The following DIP2B variants were observed in gnomAD, a reference collection of about 807,000 sequenced individuals.
DIP2B encodes the protein DIP2 acetate--CoA ligase B (putative).
Under a neutral mutation model 198.0 loss-of-function variants are expected in DIP2B, and 76 were observed. The observed-to-expected ratio is 0.38, with a 90% CI of 0.32 to 0.46. The LOEUF is 0.46. Ranked by LOEUF, DIP2B falls within the 20% of genes least tolerant of loss-of-function variation. DIP2B has a pLI of 0.99. For missense variants in DIP2B, 1,559 were observed against 1,978.4 expected (o/e 0.79, Z 4.02); for synonymous variants, 701 against 739.1 (o/e 0.95, Z 0.84).
chr12:50,628,258 C>T (rs556668363), intron 2 of DIP2B, among the ~76,000 whole-genome samples: 1 of 152,086 alleles, frequency 6.6e-6, no homozygotes. Context: ...GTAATGCCAG[C>T]TACTCGGGAT....
In DIP2B at chr12:50,671,155, C is replaced by A. The variant is rs371530693; in HGVS notation, c.428-31C>A. 1,771 of 1,607,500 alleles carry A rather than the reference C, an allele frequency of 1.1e-3. 1 individual carries two copies. Among genetic ancestry groups the A allele is most frequent in the Non-Finnish European group, 1.4e-3 (1,648 of 1,177,374 alleles). ...GAAAAGTCTCTGTTCTAGGTAGGAT[C>A]GAGAACTTCTTTTTTTCTAATTCCA... On this transcript the variant is annotated intron_variant, in intron 4 of 37. Coordinates refer to ENST00000301180, the MANE Select transcript of DIP2B (RefSeq NM_173602.3).
At chr12:50,513,428 C>T (rs1264933892) in intron 1 of DIP2B, among the ~76,000 whole-genome samples, 1 of 152,176 alleles carries the variant, frequency 6.6e-6, no homozygotes, top group Non-Finnish European at 1.5e-5. Context: ...ATGCCTGTGA[C>T]ATATAAGCTT....
At chr12:50,605,876 C>G (rs889618397) in intron 1 of DIP2B, among the ~76,000 whole-genome samples, 1 of 152,042 alleles carries the variant, frequency 6.6e-6, no homozygotes, top group Admixed American at 6.6e-5. Flanking sequence ...GGCTGGAGTG[C>G]AGTAGCATGA....
chr12:50,703,939 ATTTATATATGTATC>A (rs1939467383), intron 19 of DIP2B, among the ~76,000 whole-genome samples, 187 bp from the exon 20 acceptor site: 1 of 150,248 alleles, frequency 6.7e-6, no homozygotes, highest in Non-Finnish European at 1.5e-5. Context: ...TTATATATAT[ATTTATATATGTATC>A]TTCTTAAAAG....
rs140760073 is a variant in DIP2B, at chr12:50,721,433, A to C, written c.3166+37A>C. 137 of 1,610,596 alleles carry C rather than the reference A, an allele frequency of 8.5e-5. No individual in the cohort carries two copies. In the African/African-American group the frequency reaches 1.7e-3, roughly 20 times the overall value. ...ATTGGCAGACTAGAGTTTAAGCTCCAATACTAGACTGACTACAAATTATAA... is the reference window on the plus strand; with the variant it reads ...ATTGGCAGACTAGAGTTTAAGCTCCCATACTAGACTGACTACAAATTATAA... On this transcript the variant is annotated intron_variant, in intron 26 of 37. Transcript: ENST00000301180.
chr12:50,626,009 G>A lies in DIP2B; in HGVS notation c.134G>A (p.Arg45Lys). ...ACCCAGAAGGGCTATGAAAAGAAAA[G>A]GTCCAAACTCCTATCTCCTTACAGC... ...DITQKGYEKK[R>K]SKLLSPYSPQ... The change falls in exon 2 of 38, where the codon AGG (arginine) becomes AAG (lysine). Residue 45 changes from arginine (R) to lysine (K), a missense_variant. Physicochemically the swap from Arg to Lys is conservative, Grantham distance 26. Coordinates refer to ENST00000301180, the MANE Select transcript of DIP2B (RefSeq NM_173602.3). 2 of 1,614,080 alleles carry A rather than the reference G, an allele frequency of 1.2e-6. No homozygotes were observed.
intron 1 of DIP2B, among the ~76,000 whole-genome samples, chr12:50,526,444 A>T (rs1022957200): frequency 6.6e-6 from 1 of 152,142 alleles, no homozygotes; most frequent in Non-Finnish European, 1.5e-5. Flanking sequence ...CTGCCTGACT[A>T]CTTTGCTTAT....
intron 1 of DIP2B, among the ~76,000 whole-genome samples, chr12:50,611,123 T>C (rs990736609): frequency 6.6e-6 from 1 of 152,130 alleles, no homozygotes; most frequent in African/African-American, 2.4e-5. Context: ...AGGGGGATAA[T>C]AGACACACAA....
chr12:50,689,016 T>A (rs1939178272), intron 12 of DIP2B, among the ~76,000 whole-genome samples: 1 of 152,172 alleles, frequency 6.6e-6, no homozygotes, highest in African/African-American at 2.4e-5. Context: ...CATCTCTGGG[T>A]AATAGGGAGT....
chr12:50,741,534 T>C lies in DIP2B; in HGVS notation c.4473T>C (p.Ala1491=). Residue 1491 remains alanine, a synonymous_variant, in exon 37 of 38, where the codon GCT becomes GCC. Coordinates refer to ENST00000301180, the MANE Select transcript of DIP2B (RefSeq NM_173602.3). ...TGTCCCGGATCCACAGAAGCATTGC[T>C]GAATGGTAACTCCCTCAGCATACAC... ...TSVSRIHRSI[A]ECAVFTWTNL... 6.2e-7 allele frequency: 1 copy of C among 1,613,106 alleles called. No homozygotes were observed. Among genetic ancestry groups the C allele is most frequent in the Non-Finnish European group, 8.5e-7 (1 of 1,179,442 alleles).
chr12:50,716,903 C>T (rs932493141), intron 23 of DIP2B, among the ~76,000 whole-genome samples: 1 of 142,434 alleles, frequency 7.0e-6, no homozygotes, highest in East Asian at 2.1e-4. Context: ...AAAAGTTAGA[C>T]GAATAGTATA....
intron 4 of DIP2B, among the ~76,000 whole-genome samples, chr12:50,660,831 T>TA (rs1938632629): frequency 6.6e-6 from 1 of 152,204 alleles, no homozygotes; most frequent in African/African-American, 2.4e-5. Context: ...AAAACGTATA[T>TA]AAGTGTGTTT....
At chr12:50,527,351 CTT>C (rs992530224) in intron 1 of DIP2B, among the ~76,000 whole-genome samples, 4 of 152,300 alleles carry the variant, frequency 2.6e-5, no homozygotes, top group African/African-American at 9.6e-5. Flanking sequence ...TCTCAGGTCT[CTT>C]TGACTACCTA....
intron 1 of DIP2B, among the ~76,000 whole-genome samples, chr12:50,519,066 T>TG (rs935535567): frequency 6.6e-6 from 1 of 152,058 alleles, no homozygotes; most frequent in African/African-American, 2.4e-5. Context: ...TTTATTTTTT[T>TG]GGGGGGTAGG....
chr12:50,597,363 CAT>C (rs1491482679), intron 1 of DIP2B, among the ~76,000 whole-genome samples: 1 of 152,224 alleles, frequency 6.6e-6, no homozygotes, highest in Non-Finnish European at 1.5e-5. Context: ...TTGTCAGTAT[CAT>C]AGTACTTCAT....
At chr12:50,602,852 T>C (rs1227339437) in intron 1 of DIP2B, among the ~76,000 whole-genome samples, 3 of 84,406 alleles carry the variant, frequency 3.6e-5, no homozygotes, top group Admixed American at 2.9e-4. Context: ...AGTGAGACTC[T>C]GTCTCAAAAA....
intron 1 of DIP2B, among the ~76,000 whole-genome samples, chr12:50,608,322 A>G (rs117386781): frequency 1.8e-3 from 279 of 152,320 alleles, no homozygotes; most frequent in Non-Finnish European, 3.4e-3. Context: ...TGGAAACAGC[A>G]TCTATCAGAA....
At chr12:50,721,659 TAATG>T (rs1407126970) in intron 26 of DIP2B, among the ~76,000 whole-genome samples, 2 of 152,124 alleles carry the variant, frequency 1.3e-5, no homozygotes, top group Non-Finnish European at 2.9e-5. Context: ...ACTCAGTAAA[TAATG>T]AATGAATGAA....
chr12:50,702,570 A>T (rs1939438120), intron 19 of DIP2B, among the ~76,000 whole-genome samples: 1 of 151,858 alleles, frequency 6.6e-6, no homozygotes, highest in South Asian at 2.1e-4. Flanking sequence ...TCTTAAAAAA[A>T]AAATTATCCG....
Sources: gnomAD v4.1 joint callset for allele counts (sites outside exome capture counted in the v4.1 genomes callset) on GRCh38, gnomAD v4.1.1 for gene constraint, MANE v1.5 for transcripts, NCBI Gene and HGNC (gene_info 2026-07-23, HGNC 2026-07-21) for gene names.